Variants in DNAH5 observed in about 807,000 individuals in gnomAD.
DNAH5 encodes dynein axonemal heavy chain 5, also known as axonemal beta dynein heavy chain 5.
In DNAH5, 372 loss-of-function variants were observed where a neutral mutation model predicts 518.2. That is an observed-to-expected ratio of 0.72 (90% CI 0.66 to 0.78). DNAH5 has a LOEUF of 0.78. Ranked by LOEUF, DNAH5 falls within the 30% of genes least tolerant of loss-of-function variation. DNAH5 has a pLI of 0.00. For missense variants in DNAH5, 5,523 were observed against 5,687.0 expected, an observed-to-expected ratio of 0.97 and a Z score of 0.93; for synonymous variants, 2,039 against 2,025.9, an observed-to-expected ratio of 1.01 and a Z score of -0.17.
intron 52 of DNAH5, among the ~76,000 whole-genome samples, chr5:13,781,896 G>C (rs955020300): frequency 2.6e-5 from 4 of 152,092 alleles, no homozygotes; most frequent in African/African-American, 9.7e-5. Flanking sequence ...CTACCAATAA[G>C]TGATTATAGA....
intron 55 of DNAH5, among the ~76,000 whole-genome samples, chr5:13,771,698 A>C (rs1266178004): frequency 6.6e-6 from 1 of 152,212 alleles, no homozygotes; most frequent in Non-Finnish European, 1.5e-5. Context: ...GGAATGAAAG[A>C]GGAACGTGAA....
At chr5:13,954,655 C>G (rs768435938) in intron 1 of DNAH5, among the ~76,000 whole-genome samples, 50 of 152,234 alleles carry the variant, frequency 3.3e-4, no homozygotes, top group Non-Finnish European at 6.9e-4. Flanking sequence ...TGCTTCTCCA[C>G]TTTCTTCCTC....
At chr5:13,927,792 T>C (rs1299774222) in intron 3 of DNAH5, among the ~76,000 whole-genome samples, 1 of 152,208 alleles carries the variant, frequency 6.6e-6, no homozygotes, top group East Asian at 1.9e-4. Context: ...TCAAACGTAA[T>C]CTACTTTATT....
At chr5:13,771,967 A>C (rs1753402812) in intron 55 of DNAH5, among the ~76,000 whole-genome samples, 1 of 152,212 alleles carries the variant, frequency 6.6e-6, no homozygotes, top group African/African-American at 2.4e-5. Flanking sequence ...CTGTATTTAC[A>C]TTTATGTAAA....
intron 68 of DNAH5, among the ~76,000 whole-genome samples, chr5:13,734,051 C>A (rs1746991836): frequency 1.3e-5 from 2 of 152,010 alleles, no homozygotes; most frequent in Non-Finnish European, 2.9e-5. Flanking sequence ...TTCTGACGGT[C>A]CTGGGAGGTG....
chr5:13,747,729 G>C (rs2126673532), intron 65 of DNAH5, among the ~76,000 whole-genome samples: 1 of 152,046 alleles, frequency 6.6e-6, no homozygotes, highest in East Asian at 1.9e-4. Flanking sequence ...CTTGTTGATG[G>C]GGTTGTTTTT....
At position 13,864,514 on chromosome 5, in the gene DNAH5, C is replaced by T. The variant is rs747207334; in HGVS notation, c.4479G>A (p.Glu1493=). The change falls in exon 28 of 79, where the codon GAG becomes GAA. Residue 1493 remains glutamate, a synonymous_variant. Transcript: ENST00000265104. ...GGGTGGTTATCCTTTCCCAGTGCCG[C>T]TCCATCATGGCTTTACTGGCCATGT... ...LEYMASKAMM[E]RHWERITTLT... 6.2e-7 allele frequency: 1 copy of T among 1,614,140 alleles called. No individual in the cohort carries two copies. Among genetic ancestry groups the T allele is most frequent in the Admixed American group, 1.7e-5 (1 of 60,014 alleles).
intron 31 of DNAH5, among the ~76,000 whole-genome samples, chr5:13,849,753 C>T (rs2591546): frequency 0.44 from 66,731 of 151,996 alleles, 14,868 homozygotes; most frequent in South Asian, 0.5. Context: ...AAGTAATCCA[C>T]ATTGCTTACA....
chr5:13,748,115 G>T (rs964960703), intron 65 of DNAH5, among the ~76,000 whole-genome samples: 14 of 152,148 alleles, frequency 9.2e-5, no homozygotes, highest in Non-Finnish European at 1.8e-4. Flanking sequence ...AGTTTTCCCA[G>T]CACCATTTGT....
At chr5:13,921,091 A>T (rs6864914) in intron 5 of DNAH5, among the ~76,000 whole-genome samples, 64,823 of 151,946 alleles carry the variant, frequency 0.43, 14,502 homozygotes, top group East Asian at 0.85. Flanking sequence ...TAATAAAATT[A>T]AAAAAAATTT....
At position 13,769,904 on chromosome 5, in the gene DNAH5, C is replaced by A. The variant is rs1303286469; in HGVS notation, c.9606-289G>T. Among the ~76,000 whole-genome samples the A allele has an allele frequency of 2.0e-5, 3 of 152,208 alleles. No individual in the cohort carries two copies. In the East Asian group the frequency reaches 5.8e-4, roughly 29 times the overall value. ...GAATCTGTATCACGAAGGAAACATA[C>A]TTAATGACATTAGGCTAAATGACAA... On this transcript the variant is annotated intron_variant, in intron 56 of 78. Coordinates refer to ENST00000265104, the MANE Select transcript of DNAH5 (RefSeq NM_001369.3).
Position 13,842,433 on chromosome 5 carries a change from A to G in DNAH5, c.5272-529T>C, listed in dbSNP as rs867893601. Among the ~76,000 whole-genome samples the G allele has an allele frequency of 1.5e-3, 92 of 61,904 alleles. 1 individual carries two copies. The highest frequency in any genetic ancestry group is 4.1e-3 in the African/African-American group (64 of 15,444). The allele number at this position is 61,904 out of a possible 152,430, so 40.6% of individuals were successfully genotyped here. On this transcript the variant is annotated intron_variant, in intron 32 of 78. Coordinates refer to ENST00000265104, the MANE Select transcript of DNAH5 (RefSeq NM_001369.3). The stretch of plus-strand genomic sequence containing the variant: ...GAAAGAAAAGAAAAGAAAAGAAAGA[A>G]AGAAAGAAAGAAAGAAAGAAAGAAA...
intron 59 of DNAH5, among the ~76,000 whole-genome samples, chr5:13,765,101 A>G (rs866381360): frequency 6.6e-6 from 1 of 152,316 alleles, no homozygotes; most frequent in Middle Eastern, 3.4e-3. Flanking sequence ...GGCTGCTACC[A>G]TGCACCTCTT....
chr5:13,738,013 AG>A (rs1272189532), intron 65 of DNAH5, among the ~76,000 whole-genome samples: 17 of 151,894 alleles, frequency 1.1e-4, no homozygotes, highest in Admixed American at 2.6e-4. Flanking sequence ...CAGTGAGCTG[AG>A]ATCATGCAAC....
At chr5:13,920,665 C>T in intron 5 of DNAH5, 48 bp from the exon 6 acceptor site, 1 of 1,608,036 alleles carries the variant, frequency 6.2e-7, no homozygotes, top group African/African-American at 1.3e-5. Context: ...TTGTAAAACA[C>T]ACAGACTGTG....
At chr5:13,879,008 AG>A (rs758332462) in intron 21 of DNAH5, among the ~76,000 whole-genome samples, 1 of 152,156 alleles carries the variant, frequency 6.6e-6, no homozygotes, top group South Asian at 2.1e-4. Flanking sequence ...TCTCCAGGGT[AG>A]GGGGGACAAA....
chr5:13,746,631 C>T (rs1003974012), intron 65 of DNAH5, among the ~76,000 whole-genome samples: 43 of 152,050 alleles, frequency 2.8e-4, no homozygotes, highest in Non-Finnish European at 2.4e-4. Flanking sequence ...TTAAGATTTA[C>T]AACAGGTAGG....
rs376358266 is a variant in DNAH5 at position 13,901,338 on chromosome 5, C to T, written c.1966G>A (p.Ala656Thr). The change falls in exon 14 of 79, where the codon GCC becomes ACC. Residue 656 changes from alanine to threonine, a missense_variant. By Grantham distance (58) the Ala-to-Thr change is moderately conservative. Coordinates refer to ENST00000265104, the MANE Select transcript of DNAH5 (RefSeq NM_001369.3). ...QHPAVLSTAE[A>T]KPIIRSYNRM... ...TTGTAACTGCGAATTATAGGTTTGG[C>T]TTCTGCCGTGCTTAGCACAGCTGGG... The T allele has an allele frequency of 4.3e-6, 7 of 1,614,052 alleles. No individual in the cohort carries two copies. In the African/African-American group the frequency reaches 8.0e-5, roughly 18 times the overall value.
chr5:13,769,242 T>G, intron 57 of DNAH5, 106 bp from the exon 58 acceptor site: 1 of 1,249,448 alleles, frequency 8.0e-7, no homozygotes, highest in Non-Finnish European at 1.1e-6. Context: ...TTACCCAGTT[T>G]TGTTGTTTTT....
Sources: gnomAD v4.1 joint callset for allele counts (sites outside exome capture counted in the v4.1 genomes callset) on GRCh38, gnomAD v4.1.1 for gene constraint, MANE v1.5 for transcripts, NCBI Gene and HGNC (gene_info 2026-07-23, HGNC 2026-07-21) for gene names.